OTX2: variants seen among roughly 807,000 people sequenced by gnomAD.
The protein encoded by OTX2 is orthodenticle homeobox 2, also known as homeobox protein OTX2.
OTX2 carries 4 observed loss-of-function variants against 29.0 expected under a neutral mutation model. That is an observed-to-expected ratio of 0.14 (90% confidence interval 0.07 to 0.32). The LOEUF is 0.32. Among genes scored for constraint, OTX2 ranks in the 10% least tolerant of loss-of-function variants. The pLI is 1.00. For synonymous variants in OTX2, 134 were observed against 141.0 expected (o/e 0.95, Z 0.35); for missense variants, 298 against 365.9 (o/e 0.81, Z 1.51).
chr14:56,809,653 C>A (rs927847581), intron 2 of OTX2, among the ~76,000 whole-genome samples: 9 of 151,982 alleles, frequency 5.9e-5, no homozygotes, highest in African/African-American at 1.7e-4. Flanking sequence ...ACCGAGCTTC[C>A]GGCGCGCGGG....
In OTX2 at chr14:56,804,395, A is replaced by G; in HGVS notation, c.98-32T>C. On this transcript the variant is annotated intron_variant, in intron 3 of 4. Transcript: ENST00000672264. The surrounding 1 kb of genome is among the most constrained non-coding windows in gnomAD (Gnocchi z 4.1). ...GGTGGGGGAGCAGTTTCTCAGTCAT[A>G]GGCGTTTCCGCGGGTTCTCCGACGC... 6.3e-7 allele frequency: 1 copy of G among 1,596,964 alleles called. No homozygotes were observed. Among genetic ancestry groups the G allele is most frequent in the Non-Finnish European group, 8.5e-7 (1 of 1,169,884 alleles).
intron 2 of OTX2, among the ~76,000 whole-genome samples, chr14:56,806,985 C>T (rs1271391387): frequency 1.3e-5 from 2 of 152,056 alleles, no homozygotes; most frequent in Non-Finnish European, 2.9e-5. Flanking sequence ...CTTTAAAGGA[C>T]TCCGGGTTTT....
chr14:56,802,571 T>G lies in OTX2; in HGVS notation c.274-216A>C, dbSNP rs1891933102. 6.6e-6 allele frequency among the ~76,000 whole-genome samples: 1 copy of G among 152,202 alleles called. No homozygotes were observed. Among genetic ancestry groups the G allele is most frequent in the Admixed American group, 6.5e-5 (1 of 15,282 alleles). The stretch of plus-strand genomic sequence containing the variant: ...CTAAAAACACTTGACACTGTCTTAT[T>G]TCTTGCCCAGAATAACATTTAAGAT... On this transcript the variant is annotated intron_variant, in intron 4 of 4. Transcript: ENST00000672264. The surrounding 1 kb of genome is among the most constrained non-coding windows in gnomAD (Gnocchi z 4.4).
Position 56,805,354 on chromosome 14 carries a change from A to T in OTX2, c.97+6T>A. On this transcript the variant is annotated splice_donor_region_variant and intron_variant, in intron 3 of 4. Transcript: ENST00000672264. The stretch of plus-strand genomic sequence containing the variant: ...GGGGTGCGGGAGTGCAGCAGGGCTC[A>T]CTTACCCGGGTAGCCCACGGAGGGG... 1 of 1,598,814 alleles carries T rather than the reference A, an allele frequency of 6.3e-7. No homozygotes were observed. The highest frequency in any genetic ancestry group is 8.6e-7 in the Non-Finnish European group (1 of 1,166,274).
rs1891843878 is a variant in OTX2 at position 56,800,713 on chromosome 14, T to C, written c.*1022A>G. 1 of 152,644 alleles carries C rather than the reference T, an allele frequency of 6.6e-6. No individual in the cohort carries two copies. Among genetic ancestry groups the C allele is most frequent in the African/African-American group, 2.4e-5 (1 of 41,470 alleles). The allele number at this position is 152,644 out of a possible 1,614,324, so 9.5% of individuals were successfully genotyped here. A position where few individuals can be genotyped will look rare whatever the true frequency, so the allele number is the denominator to read the frequency against. The stretch of plus-strand genomic sequence containing the variant: ...AATTAAACTGGACCCAATGTTGTGC[T>C]AGAACCATTTTAATATAATTATACA... On this transcript the variant is annotated 3_prime_UTR_variant, in exon 5 of 5. Coordinates refer to ENST00000672264, the MANE Select transcript of OTX2 (RefSeq NM_021728.4).
At position 56,801,837 on chromosome 14, in the gene OTX2, G is replaced by A. The variant is rs1290281755; in HGVS notation, c.792C>T (p.Cys264=). The A allele has an allele frequency of 3.7e-6, 6 of 1,614,082 alleles. No homozygotes were observed. Among genetic ancestry groups the A allele is most frequent in the Non-Finnish European group, 5.1e-6 (6 of 1,180,058 alleles). ...AGGCAGTTTGGTCCTTATAATCCAAGCAATCAGTGGTTGAGTTAAAACCCA... is the reference window on the plus strand; with the variant it reads ...AGGCAGTTTGGTCCTTATAATCCAAACAATCAGTGGTTGAGTTAAAACCCA... ...SSLGFNSTTD[C]LDYKDQTASW... The change falls in exon 5 of 5, where the codon TGC becomes TGT. Residue 264 remains cysteine, a synonymous_variant. Coordinates refer to ENST00000672264, the MANE Select transcript of OTX2 (RefSeq NM_021728.4). This position sits in a 1 kb window ranked among gnomAD's most constrained non-coding sequence, Gnocchi z 4.2.
Position 56,804,333 on chromosome 14 carries a change from G to A in OTX2, c.128C>T (p.Pro43Leu). The A allele has an allele frequency of 6.2e-7, 1 of 1,613,988 alleles. No homozygotes were observed. The highest frequency in any genetic ancestry group is 8.5e-7 in the Non-Finnish European group (1 of 1,180,016). Residue 43 changes from proline to leucine, a missense_variant, in exon 4 of 5, where the codon CCC becomes CTC. Around this residue, in one of 3 missense-constraint regions of OTX2, gnomAD observed 50 missense variants for 57.6 expected, o/e 0.87. Transcript: ENST00000672264. This position sits in a 1 kb window ranked among gnomAD's most constrained non-coding sequence, Gnocchi z 4.1. ...CGTCCTCTCCCGGCGCTGTTTCCGGGGGGTGGCTGCGGGACAAGAAGCCCA... is the reference window on the plus strand; with the variant it reads ...CGTCCTCTCCCGGCGCTGTTTCCGGAGGGTGGCTGCGGGACAAGAAGCCCA... ...GPWASCPAATPRKQRRERTTF... is the reference protein window; with the variant it reads ...GPWASCPAATLRKQRRERTTF...
chr14:56,804,234 C>T lies in OTX2; in HGVS notation c.227G>A (p.Arg76Gln). The T allele has an allele frequency of 6.2e-7, 1 of 1,614,190 alleles. No homozygotes were observed. The highest frequency in any genetic ancestry group is 8.5e-7 in the Non-Finnish European group (1 of 1,180,038). ...AKTRYPDIFM[R>Q]EEVALKINLP... The stretch of plus-strand genomic sequence containing the variant: ...GTTGATTTTCAGTGCCACCTCCTCT[C>T]GCATGAAGATGTCTGGGTACCGGGT... The change falls in exon 4 of 5, where the codon CGA becomes CAA. Residue 76 changes from arginine to glutamine, a missense_variant. Transcript: ENST00000672264. The surrounding 1 kb of genome is among the most constrained non-coding windows in gnomAD (Gnocchi z 4.1).
intron 2 of OTX2, among the ~76,000 whole-genome samples, chr14:56,808,053 C>G (rs1360840592): frequency 1.3e-5 from 2 of 151,924 alleles, no homozygotes; most frequent in African/African-American, 2.4e-5. Flanking sequence ...CCCGCGCCCC[C>G]CGCGCAGCCT....
intron 2 of OTX2, among the ~76,000 whole-genome samples, chr14:56,808,218 AAACT>A (rs1318171846): frequency 6.6e-6 from 1 of 152,090 alleles, no homozygotes; most frequent in Non-Finnish European, 1.5e-5. Context: ...TTTTCTTGAT[AAACT>A]AACGAGATAA....
At position 56,801,516 on chromosome 14, in the gene OTX2, C is replaced by G; in HGVS notation, c.*219G>C. 1 of 594,522 alleles carries G rather than the reference C, an allele frequency of 1.7e-6. No homozygotes were observed. The highest frequency in any genetic ancestry group is 1.9e-5 in the African/African-American group (1 of 53,928). 36.8% of individuals were successfully genotyped at this position (594,522 alleles called of 1,614,324 possible). A position where few individuals can be genotyped will look rare whatever the true frequency, so the allele number is the denominator to read the frequency against. ...AATCAGGATAACCAATGATCTAAAA[C>G]TATGACAGGATCTTAAGCAGATTGG... On this transcript the variant is annotated 3_prime_UTR_variant, in exon 5 of 5. Coordinates refer to ENST00000672264, the MANE Select transcript of OTX2 (RefSeq NM_021728.4). This position sits in a 1 kb window ranked among gnomAD's most constrained non-coding sequence, Gnocchi z 4.2.
At chr14:56,809,635 G>A (rs1009861113) in intron 2 of OTX2, among the ~76,000 whole-genome samples, 1 of 152,078 alleles carries the variant, frequency 6.6e-6, no homozygotes, top group East Asian at 2.0e-4. Flanking sequence ...AGGCCGACCC[G>A]CAAGCGAACC....
rs1465971801 is a variant in OTX2 at position 56,802,933 on chromosome 14, G to GT, written c.274-579_274-578insA. ...AAGACATGATCTTGTTGAAGAAAGA[G>GT]GTCTGAAAGCCACTATTTGCTAAAA... On this transcript the variant is annotated intron_variant, in intron 4 of 4. Transcript: ENST00000672264. The surrounding 1 kb of genome is among the most constrained non-coding windows in gnomAD (Gnocchi z 4.4). 2.5e-3 allele frequency among the ~76,000 whole-genome samples: 380 copies of GT among 152,270 alleles called. 1 individual carries two copies. The highest frequency in any genetic ancestry group is 8.7e-3 in the African/African-American group (361 of 41,542).
chr14:56,808,757 T>A (rs1452749889), intron 2 of OTX2, among the ~76,000 whole-genome samples: 1 of 152,088 alleles, frequency 6.6e-6, no homozygotes, highest in East Asian at 1.9e-4. Context: ...CCCCAAGCAA[T>A]CCACCACCGC....
chr14:56,803,508 GTGC>G (rs951186940), intron 4 of OTX2, among the ~76,000 whole-genome samples: 11 of 152,314 alleles, frequency 7.2e-5, no homozygotes, highest in African/African-American at 2.6e-4. Context: ...TGTGGTTTAT[GTGC>G]TAAACACTTT....
At chr14:56,808,425 C>T (rs2139543716) in intron 2 of OTX2, among the ~76,000 whole-genome samples, 1 of 152,268 alleles carries the variant, frequency 6.6e-6, no homozygotes, top group African/African-American at 2.4e-5. Flanking sequence ...AAACGGCCGG[C>T]GCTGGCCTCT....
rs997349229 is a variant in OTX2, at chr14:56,805,427, G to A, written c.30C>T (p.Tyr10=). MMSYLKQPP[Y]AVNGLSLTTS... is the part of the protein sequence containing the mutation. The stretch of plus-strand genomic sequence containing the variant: ...TGGTCAGACTCAGCCCATTGACTGC[G>A]TAAGGCGGTTGCTTAAGATAAGACA... Residue 10 remains tyrosine, a synonymous_variant, in exon 3 of 5, where the codon TAC becomes TAT. Transcript: ENST00000672264. The A allele has an allele frequency of 6.2e-6, 10 of 1,613,854 alleles. No homozygotes were observed. The highest frequency in any genetic ancestry group is 1.3e-5 in the African/African-American group (1 of 75,038).
chr14:56,807,503 C>T (rs925739716), intron 2 of OTX2, among the ~76,000 whole-genome samples: 1 of 152,126 alleles, frequency 6.6e-6, no homozygotes, highest in African/African-American at 2.4e-5. Flanking sequence ...ATGCCTGACA[C>T]ATCATACAAT....
chr14:56,809,540 G>A (rs1594959529), intron 2 of OTX2, among the ~76,000 whole-genome samples: 1 of 152,208 alleles, frequency 6.6e-6, no homozygotes, highest in South Asian at 2.1e-4. Flanking sequence ...AGAAGCCAGC[G>A]CTCCCAGCCT....
Sources: allele counts gnomAD v4.1 joint callset (sites outside exome capture counted in the v4.1 genomes callset), GRCh38; gene constraint gnomAD v4.1.1; regional missense constraint gnomAD v4.1.1; non-coding constraint Gnocchi (gnomAD v3.1); transcripts MANE v1.5; gene names NCBI Gene and HGNC (gene_info 2026-07-23, HGNC 2026-07-21).